SLC22A14: variants seen among roughly 807,000 people sequenced by gnomAD.
SLC22A14 encodes solute carrier family 22 member 14.
SLC22A14 carries 50 observed loss-of-function variants against 53.9 expected under a neutral mutation model. The ratio of observed to expected loss-of-function variants is 0.93; its 90% CI spans 0.74 to 1.17. SLC22A14 has a LOEUF of 1.17. SLC22A14 is among the 50% of genes most tolerant of loss of function. SLC22A14 has a pLI of 0.00. For missense variants in SLC22A14, 671 were observed against 734.7 expected (o/e 0.91, Z 1.00); for synonymous variants, 312 against 303.0 (o/e 1.03, Z -0.31).
intron 1 of SLC22A14, among the ~76,000 whole-genome samples, chr3:38,296,859 C>G (rs1449562240): frequency 6.6e-6 from 1 of 152,222 alleles, no homozygotes; most frequent in Non-Finnish European, 1.5e-5. Flanking sequence ...GGGCACCTCG[C>G]TGGATCAGGA....
In SLC22A14 at chr3:38,309,005, A is replaced by G. The variant is rs755905040; in HGVS notation, c.827A>G (p.His276Arg). 37 of 1,614,050 alleles carry G rather than the reference A, an allele frequency of 2.3e-5. No homozygotes were observed. The highest frequency in any genetic ancestry group is 3.1e-5 in the Non-Finnish European group (37 of 1,179,986). Reference protein sequence around the residue: ...EHRAHAIILGHCFFAVGAVLL... With the variant: ...EHRAHAIILGRCFFAVGAVLL... The stretch of plus-strand genomic sequence containing the variant: ...CGGGCCCATGCCATTATCCTGGGAC[A>G]CTGCTTTTTCGCTGTTGGGGCCGTG... Residue 276 changes from histidine (H) to arginine (R), a missense_variant, in exon 5 of 11, where the codon CAC becomes CGC. By Grantham distance (29) the His-to-Arg change is conservative. Transcript: ENST00000448498.
intron 5 of SLC22A14, among the ~76,000 whole-genome samples, chr3:38,312,100 T>C (rs1042828295): frequency 1.3e-5 from 2 of 152,144 alleles, no homozygotes; most frequent in African/African-American, 4.8e-5. Flanking sequence ...TGTGTGTTTA[T>C]GGCAACCAGC....
At chr3:38,299,267 C>A (rs1704108574) in intron 1 of SLC22A14, among the ~76,000 whole-genome samples, 1 of 152,158 alleles carries the variant, frequency 6.6e-6, no homozygotes, top group African/African-American at 2.4e-5. Context: ...AAGCTATACT[C>A]AGAGAACAGT....
Position 38,313,834 on chromosome 3 carries a change from G to A in SLC22A14, c.1271G>A (p.Arg424Gln), listed in dbSNP as rs116741759. Residue 424 changes from arginine to glutamine, a missense_variant, in exon 8 of 11, where the codon CGG (arginine) becomes CAG (glutamine). Arg to Gln is a conservative substitution (Grantham distance 43, BLOSUM62 1). Coordinates refer to ENST00000448498, the MANE Select transcript of SLC22A14 (RefSeq NM_001320033.2). ...CCCAGCATCATGGAGGTGCCTGCCC[G>A]GCTGTGCTGCATCTTTCTCCTCCAG... Reference protein sequence around the residue: ...VVPSIMEVPARLCCIFLLQQI... With the variant: ...VVPSIMEVPAQLCCIFLLQQI... 3.6e-4 allele frequency: 585 copies of A among 1,614,014 alleles called. 2 individuals are homozygous for A. The highest frequency in any genetic ancestry group is 3.3e-3 in the African/African-American group (246 of 75,014).
chr3:38,293,464 C>T (rs979692244), intron 1 of SLC22A14, among the ~76,000 whole-genome samples: 8 of 152,106 alleles, frequency 5.3e-5, no homozygotes, highest in African/African-American at 1.2e-4. Context: ...AGTTTTGCTC[C>T]GGGCCTAAGG....
intron 1 of SLC22A14, among the ~76,000 whole-genome samples, chr3:38,282,874 T>C (rs1308229705): frequency 6.6e-6 from 1 of 152,132 alleles, no homozygotes; most frequent in Admixed American, 6.5e-5. Flanking sequence ...CACACATACA[T>C]CCTGTATTGG....
intron 1 of SLC22A14, among the ~76,000 whole-genome samples, chr3:38,288,969 C>T (rs1290556995): frequency 6.6e-6 from 1 of 151,908 alleles, no homozygotes; most frequent in East Asian, 1.9e-4. Context: ...CACTCGAGGC[C>T]AGAAGTTCAA....
Position 38,307,913 on chromosome 3 carries a change from C to T in SLC22A14, c.775+193C>T. ...GCTGGGATCCCACAGGACACAGAGT[C>T]AGGGGCCTAATTGGACAGGCAGAAG... On this transcript the variant is annotated intron_variant, in intron 4 of 10. Transcript: ENST00000448498. The surrounding 1 kb of genome is among the most constrained non-coding windows in gnomAD (Gnocchi z 4.4). The T allele has an allele frequency of 1.6e-6, 1 of 617,228 alleles. No homozygotes were observed. Among genetic ancestry groups the T allele is most frequent in the Non-Finnish European group, 2.8e-6 (1 of 353,228 alleles). 38.2% of individuals were successfully genotyped at this position (617,228 alleles called of 1,614,324 possible).
At chr3:38,304,770 A>G (rs1704258323) in intron 1 of SLC22A14, among the ~76,000 whole-genome samples, 2 of 152,300 alleles carry the variant, frequency 1.3e-5, no homozygotes, top group South Asian at 4.1e-4. Context: ...GTGTCTAGCC[A>G]TGGTTTTCTT....
chr3:38,301,153 CA>C (rs1704151581), intron 1 of SLC22A14, among the ~76,000 whole-genome samples: 1 of 152,140 alleles, frequency 6.6e-6, no homozygotes, highest in Non-Finnish European at 1.5e-5. Flanking sequence ...GGGAACACTC[CA>C]AAAGTTCAAT....
At chr3:38,300,653 C>T (rs2125881331) in intron 1 of SLC22A14, among the ~76,000 whole-genome samples, 1 of 152,296 alleles carries the variant, frequency 6.6e-6, no homozygotes, top group African/African-American at 2.4e-5. Context: ...GGGAATCTCC[C>T]TGAGCCTAAG....
At chr3:38,284,229 C>T (rs184515035) in intron 1 of SLC22A14, among the ~76,000 whole-genome samples, 1 of 152,340 alleles carries the variant, frequency 6.6e-6, no homozygotes, top group Non-Finnish European at 1.5e-5. Flanking sequence ...CCATCCCTGT[C>T]CGCCCTGTCC....
intron 8 of SLC22A14, among the ~76,000 whole-genome samples, chr3:38,315,015 C>CA (rs1420791811): frequency 6.6e-6 from 1 of 152,238 alleles, no homozygotes; most frequent in African/African-American, 2.4e-5. Flanking sequence ...CCCCCAGCTT[C>CA]ACCAGGTCTG....
At chr3:38,315,514 G>C (rs1174433227) in intron 8 of SLC22A14, 44 bp from the exon 9 acceptor site, 1 of 1,588,896 alleles carries the variant, frequency 6.3e-7, no homozygotes, top group South Asian at 1.1e-5. Flanking sequence ...TTCTGGGAGG[G>C]GTCAAGGGAG....
At chr3:38,292,500 G>A (rs922438617) in intron 1 of SLC22A14, among the ~76,000 whole-genome samples, 2 of 152,124 alleles carry the variant, frequency 1.3e-5, no homozygotes, top group Non-Finnish European at 2.9e-5. Flanking sequence ...TGTCTGTTGG[G>A]TTTCTGTACT....
rs201549718 is a variant in SLC22A14, at chr3:38,307,617, C to A, written c.672C>A (p.Phe224Leu). The stretch of plus-strand genomic sequence containing the variant: ...TGTCACTGCTGGGGCTGATCATCTT[C>A]GGCTTTGGGACAGCCTTCATGAACA... The part of the protein sequence containing the change: ...ILLSLLGLII[F>L]GFGTAFMNSF... The change falls in exon 4 of 11, where the codon TTC becomes TTA. Residue 224 changes from phenylalanine (F) to leucine (L), a missense_variant. Transcript: ENST00000448498. This position sits in a 1 kb window ranked among gnomAD's most constrained non-coding sequence, Gnocchi z 4.4. The A allele has an allele frequency of 1.2e-6, 2 of 1,614,214 alleles. No individual in the cohort carries two copies. Among genetic ancestry groups the A allele is most frequent in the Non-Finnish European group, 1.7e-6 (2 of 1,180,036 alleles).
At chr3:38,295,001 G>A (rs1383585543) in intron 1 of SLC22A14, among the ~76,000 whole-genome samples, 3 of 152,220 alleles carry the variant, frequency 2.0e-5, no homozygotes, top group Non-Finnish European at 4.4e-5. Flanking sequence ...GCTTGGCTGA[G>A]TGCAAACAGA....
chr3:38,315,869 C>T (rs1187684621), intron 9 of SLC22A14, among the ~76,000 whole-genome samples, 158 bp downstream of exon 9: 1 of 152,214 alleles, frequency 6.6e-6, no homozygotes, highest in Non-Finnish European at 1.5e-5. Context: ...AGAAAATCCC[C>T]CAAATGCCAT....
At chr3:38,314,206 T>C (rs1199280822) in intron 8 of SLC22A14, among the ~76,000 whole-genome samples, 1 of 152,182 alleles carries the variant, frequency 6.6e-6, no homozygotes, top group Non-Finnish European at 1.5e-5. Flanking sequence ...GCAGGCAGCC[T>C]TCTTCCACCA....
Sources: allele counts gnomAD v4.1 joint callset (sites outside exome capture counted in the v4.1 genomes callset), GRCh38; gene constraint gnomAD v4.1.1; non-coding constraint Gnocchi (gnomAD v3.1); transcripts MANE v1.5; gene names NCBI Gene and HGNC (gene_info 2026-07-23, HGNC 2026-07-21).